Variants in BRCA2 observed in about 807,000 individuals in gnomAD.
The protein encoded by BRCA2 is BRCA2 DNA repair associated, also known as breast cancer type 2 susceptibility protein.
In BRCA2, 203 loss-of-function variants were observed where a neutral mutation model predicts 276.7. That is an observed-to-expected ratio of 0.73 (90% CI 0.65 to 0.82). BRCA2 has a LOEUF of 0.82. Among genes scored for constraint, BRCA2 ranks in the 40% least tolerant of loss-of-function variants. The pLI, the probability that BRCA2 is intolerant of heterozygous loss-of-function variation, is 0.00. For missense variants in BRCA2, 3,920 were observed against 3,915.0 expected (o/e 1.00, Z -0.03); for synonymous variants, 1,289 against 1,338.4 (o/e 0.96, Z 0.81).
intron 9 of BRCA2, among the ~76,000 whole-genome samples, chr13:32,331,928 G>A (rs1258509697): frequency 6.6e-6 from 1 of 152,116 alleles, no homozygotes; most frequent in African/African-American, 2.4e-5. Flanking sequence ...AATTGATTTG[G>A]AACATCTGTT....
rs765644162 is a variant in BRCA2, at chr13:32,337,106, A to G, written c.2751A>G (p.Val917=). The G allele has an allele frequency of 1.2e-5, 19 of 1,613,716 alleles. No homozygotes were observed. The highest frequency in any genetic ancestry group is 1.4e-5 in the Non-Finnish European group (17 of 1,179,900). ...KELHETDLTC[V]NEPIFKNSTM... is the part of the protein sequence containing the mutation. ...TTCATGAAACAGACTTGACTTGTGT[A>G]AACGAACCCATTTTCAAGAACTCTA... The change falls in exon 11 of 27, where the codon GTA becomes GTG. Residue 917 remains valine (V), a synonymous_variant. Transcript: ENST00000380152.
Position 32,369,645 on chromosome 13 carries a change from C to T in BRCA2, c.8332-757C>T, listed in dbSNP as rs11571739. On this transcript the variant is annotated intron_variant, in intron 18 of 26. Transcript: ENST00000380152. ...CTGGAGTGCAGTGGCACAATCTCGG[C>T]TCACTGCACCCTCTGCCTCCCAGGT... Among the ~76,000 whole-genome samples the T allele has an allele frequency of 0.041, 6,179 of 152,292 alleles. 213 individuals are homozygous for T. Among genetic ancestry groups the T allele is most frequent in the South Asian group, 0.11 (554 of 4,830 alleles).
In BRCA2 at chr13:32,363,225, A is replaced by G. The variant is rs397507954; in HGVS notation, c.8023A>G (p.Ile2675Val). Residue 2675 changes from isoleucine to valine, a missense_variant, in exon 18 of 27, where the codon ATA becomes GTA. By Grantham distance (29) the Ile-to-Val change is conservative. Coordinates refer to ENST00000380152, the MANE Select transcript of BRCA2 (RefSeq NM_000059.4). ...AAGCAGAAGATCGGCTATAAAAAAG[A>G]TAATGGAAAGGGATGACACAGCTGC... Reference protein sequence around the residue: ...DRSRRSAIKKIMERDDTAAKT... With the variant: ...DRSRRSAIKKVMERDDTAAKT... 1 of 1,614,050 alleles carries G rather than the reference A, an allele frequency of 6.2e-7. No individual in the cohort carries two copies. Among genetic ancestry groups the G allele is most frequent in the East Asian group, 2.2e-5 (1 of 44,876 alleles).
At chr13:32,351,403 A>G (rs2072649968) in intron 13 of BRCA2, among the ~76,000 whole-genome samples, 1 of 152,246 alleles carries the variant, frequency 6.6e-6, no homozygotes, top group Admixed American at 6.5e-5. Context: ...CTCTGGACAC[A>G]TCTGAACATC....
rs746751519 is a variant in BRCA2, at chr13:32,354,995, C to T, written c.7142C>T (p.Pro2381Leu). The T allele has an allele frequency of 6.2e-7, 1 of 1,613,634 alleles. No individual in the cohort carries two copies. Among genetic ancestry groups the T allele is most frequent in the South Asian group, 1.1e-5 (1 of 91,074 alleles). Reference protein sequence around the residue: ...SSSNLAVSGHPFYQVSATRNE... With the variant: ...SSSNLAVSGHLFYQVSATRNE... ...AGCAATTTAGCAGTTTCAGGACATC[C>T]ATTTTATCAAGTTTCTGCTACAAGA... Residue 2381 changes from proline (P) to leucine (L), a missense_variant, in exon 14 of 27, where the codon CCA becomes CTA. Transcript: ENST00000380152.
Position 32,363,477 on chromosome 13 carries a change from G to C in BRCA2, c.8275G>C (p.Val2759Leu), listed in dbSNP as rs1320594065. Residue 2759 changes from valine (V) to leucine (L), a missense_variant, in exon 18 of 27, where the codon GTG (valine) becomes CTG (leucine). Around this residue, in one of 2 missense-constraint regions of BRCA2, gnomAD observed 3,263 missense variants for 3,156.9 expected, o/e 1.03. Coordinates refer to ENST00000380152, the MANE Select transcript of BRCA2 (RefSeq NM_000059.4). ...GATTATTCTTCATGGAGCAGAACTG[G>C]TGGGCTCTCCTGATGCCTGTACACC... is the stretch of plus-strand genomic sequence containing the variant. ...QKIILHGAELVGSPDACTPLE... is the reference protein window; with the variant it reads ...QKIILHGAELLGSPDACTPLE... 5.0e-6 allele frequency: 8 copies of C among 1,614,018 alleles called. No individual in the cohort carries two copies. Among genetic ancestry groups the C allele is most frequent in the Non-Finnish European group, 6.8e-6 (8 of 1,180,024 alleles).
At chr13:32,330,454 C>G (rs2072381375) in intron 8 of BRCA2, among the ~76,000 whole-genome samples, 1 of 152,112 alleles carries the variant, frequency 6.6e-6, no homozygotes, top group Non-Finnish European at 1.5e-5. Flanking sequence ...ATTTGAATTG[C>G]CAGCATCATT....
intron 18 of BRCA2, among the ~76,000 whole-genome samples, chr13:32,369,087 C>A (rs1593929292): frequency 1.3e-5 from 2 of 152,096 alleles, no homozygotes; most frequent in Admixed American, 1.3e-4. Context: ...GGATTACAGG[C>A]GTGAGCCACA....
At chr13:32,358,005 G>A (rs1036473779) in intron 16 of BRCA2, 76 bp downstream of exon 16, 8 of 1,509,966 alleles carry the variant, frequency 5.3e-6, no homozygotes, top group South Asian at 3.5e-5. Context: ...ACTGTCTCTC[G>A]AACTAAAAAG....
intron 10 of BRCA2, among the ~76,000 whole-genome samples, chr13:32,336,060 C>G (rs1377387955): frequency 4.0e-5 from 6 of 151,722 alleles, no homozygotes; most frequent in African/African-American, 1.2e-4. Flanking sequence ...TTTTATTTTT[C>G]ATAGAGTCAT....
intron 16 of BRCA2, among the ~76,000 whole-genome samples, chr13:32,360,956 A>C (rs1174846722): frequency 6.6e-6 from 1 of 152,242 alleles, no homozygotes; most frequent in African/African-American, 2.4e-5. Flanking sequence ...AACTACTAGA[A>C]TTGAGAAGAC....
At chr13:32,381,230 A>T (rs1211898922) in intron 24 of BRCA2, among the ~76,000 whole-genome samples, 1 of 152,350 alleles carries the variant, frequency 6.6e-6, no homozygotes, top group African/African-American at 2.4e-5. Context: ...AGTGCTGGGT[A>T]CATAGCGATT....
In BRCA2 at chr13:32,329,482, ATAC is replaced by A. The variant is rs1566220661; in HGVS notation, c.676_678del (p.Thr226del). The stretch of plus-strand genomic sequence containing the variant: ...GCATCTGAAACTGTATTTCCTCATG[ATAC>A]TACTGCTGTAAGTAAATATGACATT... On this transcript the variant is annotated inframe_deletion, in exon 8 of 27. Coordinates refer to ENST00000380152, the MANE Select transcript of BRCA2 (RefSeq NM_000059.4). 6.3e-7 allele frequency: 1 copy of A among 1,597,686 alleles called. No individual in the cohort carries two copies. Among genetic ancestry groups the A allele is most frequent in the Non-Finnish European group, 8.6e-7 (1 of 1,166,984 alleles).
At chr13:32,395,336 T>A (rs981240670) in intron 25 of BRCA2, among the ~76,000 whole-genome samples, 1 of 152,240 alleles carries the variant, frequency 6.6e-6, no homozygotes, top group Middle Eastern at 3.2e-3. Context: ...TTTCTTTGAC[T>A]TGATTTAATC....
intron 3 of BRCA2, among the ~76,000 whole-genome samples, chr13:32,320,476 T>C (rs1002202446): frequency 6.6e-6 from 1 of 152,226 alleles, no homozygotes; most frequent in Admixed American, 6.5e-5. Flanking sequence ...TGGCTCTTTA[T>C]TAAACATATT....
intron 12 of BRCA2, among the ~76,000 whole-genome samples, chr13:32,346,440 G>A (rs753889290): frequency 6.6e-6 from 1 of 151,880 alleles, no homozygotes; most frequent in South Asian, 2.1e-4. Flanking sequence ...TCCAACTAGT[G>A]GACTTATTGA....
chr13:32,393,354 G>A (rs1293159286), intron 24 of BRCA2, among the ~76,000 whole-genome samples: 1 of 152,144 alleles, frequency 6.6e-6, no homozygotes, highest in East Asian at 1.9e-4. Flanking sequence ...ATAAGGAAAA[G>A]CTGTGCCCTT....
At chr13:32,318,022 G>A (rs994753262) in intron 2 of BRCA2, among the ~76,000 whole-genome samples, 14 of 152,152 alleles carry the variant, frequency 9.2e-5, no homozygotes, top group African/African-American at 3.1e-4. Flanking sequence ...ATTGAGCTTC[G>A]AAATTAATTT....
At chr13:32,319,567 A>G (rs74044995) in intron 3 of BRCA2, among the ~76,000 whole-genome samples, 9 of 152,326 alleles carry the variant, frequency 5.9e-5, no homozygotes, top group East Asian at 1.9e-4. Flanking sequence ...AAATTTGCCA[A>G]CTGAGATTTG....
Sources: gnomAD v4.1 joint callset for allele counts (sites outside exome capture counted in the v4.1 genomes callset) on GRCh38, gnomAD v4.1.1 for gene constraint, gnomAD v4.1.1 regional missense constraint, MANE v1.5 for transcripts, NCBI Gene and HGNC (gene_info 2026-07-23, HGNC 2026-07-21) for gene names.